TMPRSS13: variants seen among roughly 807,000 people sequenced by gnomAD.
The protein encoded by TMPRSS13 is transmembrane serine protease 13.
TMPRSS13 carries 50 observed loss-of-function variants against 68.4 expected under a neutral mutation model. The observed-to-expected ratio is 0.73, with a 90% CI of 0.58 to 0.93. TMPRSS13 has a LOEUF of 0.93. TMPRSS13 is among the 40% of genes least tolerant of loss of function. The probability of loss-of-function intolerance (pLI) is 0.00; values close to 1 mark genes in which losing one functional copy is unlikely to be tolerated. For missense variants in TMPRSS13, 615 were observed against 729.2 expected (o/e 0.84, Z 1.80); for synonymous variants, 267 against 285.8 (o/e 0.93, Z 0.66).
At position 117,925,363 on chromosome 11, in the gene TMPRSS13, A is replaced by C. The variant is rs141486267; in HGVS notation, c.21+3924T>G. Among the ~76,000 whole-genome samples the C allele has an allele frequency of 6.5e-4, 99 of 152,354 alleles. 2 individuals are homozygous for C. In the East Asian group the frequency reaches 0.019, roughly 29 times the overall value. On this transcript the variant is annotated intron_variant, in intron 1 of 12. Coordinates refer to ENST00000524993, the MANE Select transcript of TMPRSS13 (RefSeq NM_001077263.3). Reference sequence around the variant, plus strand: ...AAAAAGCTCAAGGAATCCCTGTTAGACCAGAATCAAGACGCCTCCTTGTTC... The same window carrying C: ...AAAAAGCTCAAGGAATCCCTGTTAGCCCAGAATCAAGACGCCTCCTTGTTC...
chr11:117,918,435 G>T lies in TMPRSS13; in HGVS notation c.425C>A (p.Ala142Glu), dbSNP rs2057601286. ...TGGGCTCTCCCTGGTGGCCCTGGTT[G>T]CTGGTGCTGACCTGGCAGGAGATGA... ...IRSSPARSAP[A>E]TRATRESPGT... The change falls in exon 2 of 13, where the codon GCA becomes GAA. Residue 142 changes from alanine to glutamate, a missense_variant. By Grantham distance (107) the Ala-to-Glu change is moderately radical. Coordinates refer to ENST00000524993, the MANE Select transcript of TMPRSS13 (RefSeq NM_001077263.3). 6.2e-7 allele frequency: 1 copy of T among 1,613,630 alleles called. No homozygotes were observed. Among genetic ancestry groups the T allele is most frequent in the Non-Finnish European group, 8.5e-7 (1 of 1,179,660 alleles).
At chr11:117,903,292 T>C (rs1291094153) in intron 12 of TMPRSS13, 2 of 1,322,024 alleles carry the variant, frequency 1.5e-6, no homozygotes, top group Non-Finnish European at 2.1e-6. Flanking sequence ...TTCCCATGCA[T>C]AAATGCTTGA....
chr11:117,916,580 TCA>T (rs2057580296), intron 3 of TMPRSS13, among the ~76,000 whole-genome samples: 1 of 152,252 alleles, frequency 6.6e-6, no homozygotes, highest in East Asian at 1.9e-4. Flanking sequence ...TGTGCTGGGC[TCA>T]TAGTGGACCT....
chr11:117,916,839 T>C (rs2134904642), intron 3 of TMPRSS13, among the ~76,000 whole-genome samples: 1 of 152,324 alleles, frequency 6.6e-6, no homozygotes, highest in East Asian at 1.9e-4. Context: ...CACATAGTAA[T>C]GAAATGGGTG....
Position 117,902,055 on chromosome 11 carries a change from T to G in TMPRSS13, c.*184A>C. ...CTGGTTTCTGAAAAACTTGGGAGAGTGGCAATGCACACATATGCACACACA... is the reference window on the plus strand; with the variant it reads ...CTGGTTTCTGAAAAACTTGGGAGAGGGGCAATGCACACATATGCACACACA... On this transcript the variant is annotated 3_prime_UTR_variant, in exon 13 of 13. Transcript: ENST00000524993. 1 of 660,412 alleles carries G rather than the reference T, an allele frequency of 1.5e-6. No individual in the cohort carries two copies. 40.9% of individuals were successfully genotyped at this position (660,412 alleles called of 1,614,324 possible). A position where few individuals can be genotyped will look rare whatever the true frequency, so the allele number is the denominator to read the frequency against.
chr11:117,917,045 T>C (rs890885048), intron 3 of TMPRSS13, 125 bp downstream of exon 3: 6 of 803,804 alleles, frequency 7.5e-6, no homozygotes, highest in Non-Finnish European at 1.2e-5. Flanking sequence ...AGTGTCCCTC[T>C]CTGGACACAG....
chr11:117,914,927 C>T lies in TMPRSS13; in HGVS notation c.557-413G>A, dbSNP rs879852334. 6.6e-6 allele frequency among the ~76,000 whole-genome samples: 1 copy of T among 152,196 alleles called. No homozygotes were observed. Among genetic ancestry groups the T allele is most frequent in the African/African-American group, 2.4e-5 (1 of 41,436 alleles). ...ATCTTCTCTGTGCTCCGCAGGGTCA[C>T]AGCAGATAAATTTCTGTCCTCACAG... On this transcript the variant is annotated intron_variant, in intron 3 of 12. Transcript: ENST00000524993. This position sits in a 1 kb window ranked among gnomAD's most constrained non-coding sequence, Gnocchi z 4.2.
In TMPRSS13 at chr11:117,915,806, A is replaced by C. The variant is rs994834145; in HGVS notation, c.557-1292T>G. Reference sequence around the variant, plus strand: ...CCCGTGGGTGCCATCTCGCCCCTCCATGGGTTAGTCCTGTGGCTTTCATGG... The same window carrying C: ...CCCGTGGGTGCCATCTCGCCCCTCCCTGGGTTAGTCCTGTGGCTTTCATGG... On this transcript the variant is annotated intron_variant, in intron 3 of 12. Transcript: ENST00000524993. The surrounding 1 kb of genome is among the most constrained non-coding windows in gnomAD (Gnocchi z 4.9). Among the ~76,000 whole-genome samples the C allele has an allele frequency of 1.3e-5, 2 of 152,058 alleles. No homozygotes were observed. The highest frequency in any genetic ancestry group is 4.8e-5 in the African/African-American group (2 of 41,410).
intron 1 of TMPRSS13, among the ~76,000 whole-genome samples, chr11:117,928,326 G>C (rs1046852784): frequency 3.3e-5 from 5 of 152,342 alleles, no homozygotes; most frequent in African/African-American, 1.2e-4. Flanking sequence ...AAAGTCAAGA[G>C]GGGGCTGGAA....
chr11:117,914,615 T>A lies in TMPRSS13; in HGVS notation c.557-101A>T. On this transcript the variant is annotated intron_variant, in intron 3 of 12. Coordinates refer to ENST00000524993, the MANE Select transcript of TMPRSS13 (RefSeq NM_001077263.3). This position sits in a 1 kb window ranked among gnomAD's most constrained non-coding sequence, Gnocchi z 4.2. ...GGGGTTCTGAGACACCGACCTGCAA[T>A]CCCTCTTGAACTCTGGGGCTCTCAT... 6.4e-7 allele frequency: 1 copy of A among 1,562,014 alleles called. No individual in the cohort carries two copies. The highest frequency in any genetic ancestry group is 2.2e-5 in the East Asian group (1 of 44,520).
At chr11:117,908,806 G>C (rs769577431) in intron 8 of TMPRSS13, 22 bp from the exon 9 acceptor site, 49 of 1,580,906 alleles carry the variant, frequency 3.1e-5, no homozygotes, top group Non-Finnish European at 4.1e-5. Context: ...ACAAAGGAGC[G>C]TGGTCCAGTA....
At chr11:117,924,821 A>G (rs1385001585) in intron 1 of TMPRSS13, among the ~76,000 whole-genome samples, 1 of 152,022 alleles carries the variant, frequency 6.6e-6, no homozygotes, top group Non-Finnish European at 1.5e-5. Context: ...TCCTCAGCAC[A>G]CAGGCATCTT....
At chr11:117,902,901 A>T in intron 12 of TMPRSS13, 1 of 904,634 alleles carries the variant, frequency 1.1e-6, no homozygotes, top group Non-Finnish European at 1.3e-6. Flanking sequence ...GAAGTGGGAG[A>T]GGGGACTCTC....
chr11:117,904,555 C>T (rs2057444116), intron 10 of TMPRSS13, among the ~76,000 whole-genome samples: 1 of 152,012 alleles, frequency 6.6e-6, no homozygotes, highest in African/African-American at 2.4e-5. Flanking sequence ...GGTATGGAGA[C>T]AAGAGGAGAA....
intron 10 of TMPRSS13, among the ~76,000 whole-genome samples, chr11:117,904,862 TA>T (rs2057447809): frequency 7.7e-4 from 1 of 1,306 alleles, no homozygotes; most frequent in Non-Finnish European, 1.2e-3. Context: ...TAGATAAGAT[TA>T]TATATATATA....
chr11:117,909,854 G>A lies in TMPRSS13; in HGVS notation c.1061C>T (p.Thr354Met), dbSNP rs753500065. The A allele has an allele frequency of 1.4e-5, 22 of 1,613,614 alleles. No homozygotes were observed. In the Middle Eastern group the frequency reaches 1.3e-3, roughly 97 times the overall value. Residue 354 changes from threonine to methionine, a missense_variant, in exon 8 of 13, where the codon ACG becomes ATG. Coordinates refer to ENST00000524993, the MANE Select transcript of TMPRSS13 (RefSeq NM_001077263.3). ...HFGTTHICGG[T>M]LIDAQWVLTA... ...GAGCACCCACTGGGCGTCAATGAGC[G>A]TGCCTCCACAGATGTGGGTGGTGCC... is the stretch of plus-strand genomic sequence containing the variant.
At chr11:117,910,627 C>T (rs2057513153) in intron 7 of TMPRSS13, 80 bp downstream of exon 7, 1 of 1,424,022 alleles carries the variant, frequency 7.0e-7, no homozygotes, top group African/African-American at 1.4e-5. Flanking sequence ...GTGCCAAACA[C>T]CTCCCTTGGA....
intron 10 of TMPRSS13, among the ~76,000 whole-genome samples, chr11:117,904,861 TTATATATATATATATATATATA>T (rs58001868): frequency 0.017 from 1,683 of 100,706 alleles, 74 homozygotes; most frequent in African/African-American, 0.02. Context: ...CTAGATAAGA[TTATATATATATATATATATATA>T]TATATATATA....
Position 117,914,577 on chromosome 11 carries a change from GC to G in TMPRSS13, c.557-64del. 1 of 1,602,214 alleles carries G rather than the reference GC, an allele frequency of 6.2e-7. No homozygotes were observed. The highest frequency in any genetic ancestry group is 2.2e-5 in the East Asian group (1 of 44,798). ...CCCCACTGAGATGAGACACTGAGCA[GC>G]CCAAGGACCTGGGGGTTCTGAGACA... On this transcript the variant is annotated intron_variant, in intron 3 of 12. Coordinates refer to ENST00000524993, the MANE Select transcript of TMPRSS13 (RefSeq NM_001077263.3). The surrounding 1 kb of genome is among the most constrained non-coding windows in gnomAD (Gnocchi z 4.2).
Sources: allele counts gnomAD v4.1 joint callset (sites outside exome capture counted in the v4.1 genomes callset), GRCh38; gene constraint gnomAD v4.1.1; non-coding constraint Gnocchi (gnomAD v3.1); transcripts MANE v1.5; gene names NCBI Gene and HGNC (gene_info 2026-07-23, HGNC 2026-07-21).